The following MMP26 variants were observed in gnomAD, a reference collection of about 807,000 sequenced individuals.
MMP26 encodes the protein matrix metalloproteinase-26.
In MMP26, 33 loss-of-function variants were observed where a neutral mutation model predicts 31.0. The observed-to-expected ratio is 1.06, with a 90% CI of 0.81 to 1.42. The LOEUF is 1.42. MMP26 is among the 40% of genes most tolerant of loss of function. The pLI is 0.00. For synonymous variants in MMP26, 122 were observed against 114.9 expected (o/e 1.06, Z -0.40); for missense variants, 347 against 316.1 (o/e 1.10, Z -0.74).
At chr11:4,914,504 A>G in intron 2 of MMP26, 1 of 507,724 alleles carries the variant, frequency 2.0e-6, no homozygotes, top group Non-Finnish European at 3.5e-6. Context: ...TGCTGTGGCT[A>G]TTTTTAGAAA....
At chr11:4,867,887 A>G (rs1235555004) in intron 2 of MMP26, among the ~76,000 whole-genome samples, 1 of 152,176 alleles carries the variant, frequency 6.6e-6, no homozygotes, top group East Asian at 1.9e-4. Flanking sequence ...AAATCCCATT[A>G]CTGGGTATAT....
At chr11:4,786,486 G>A (rs371146812) in intron 2 of MMP26, among the ~76,000 whole-genome samples, 90 of 125,792 alleles carry the variant, frequency 7.2e-4, no homozygotes, top group Middle Eastern at 9.6e-3. Flanking sequence ...AGTAAGATCT[G>A]CTGATCCTTT....
chr11:4,963,141 C>T (rs527564811), intron 2 of MMP26, among the ~76,000 whole-genome samples: 10 of 152,142 alleles, frequency 6.6e-5, no homozygotes, highest in Admixed American at 3.9e-4. Flanking sequence ...ACAACTGCTA[C>T]GAAGAGAATA....
intron 2 of MMP26, among the ~76,000 whole-genome samples, chr11:4,910,824 A>G (rs944378510): frequency 2.1e-5 from 3 of 143,230 alleles, no homozygotes; most frequent in Middle Eastern, 4.2e-3. Flanking sequence ...ATGAGTGACC[A>G]TCATGGAATA....
chr11:4,908,133 T>C (rs1221752010), intron 2 of MMP26: 1 of 1,614,196 alleles, frequency 6.2e-7, no homozygotes, highest in Non-Finnish European at 8.5e-7. Flanking sequence ...GTGCCCATCA[T>C]CACCCTGGCT....
chr11:4,881,685 A>G, intron 2 of MMP26: 1 of 546,590 alleles, frequency 1.8e-6, no homozygotes. Flanking sequence ...CTTTGGAGTT[A>G]GTAAATTTGG....
intron 2 of MMP26, among the ~76,000 whole-genome samples, chr11:4,807,630 T>C (rs376608563): frequency 1.3e-5 from 1 of 78,658 alleles, no homozygotes; most frequent in African/African-American, 4.7e-5. Context: ...GGGTGGGGGG[T>C]TGGGGGAGGG....
At chr11:4,849,065 C>T (rs1849933268) in intron 2 of MMP26, 2 of 1,614,008 alleles carry the variant, frequency 1.2e-6, no homozygotes, top group Admixed American at 1.7e-5. Flanking sequence ...TGCCATTTCC[C>T]AGTGCAGAGA....
intron 2 of MMP26, among the ~76,000 whole-genome samples, chr11:4,926,763 A>AG (rs1438706688): frequency 6.6e-6 from 1 of 152,142 alleles, no homozygotes; most frequent in African/African-American, 2.4e-5. Context: ...ATAAGGTATG[A>AG]GGAAAAAAAA....
chr11:4,808,245 C>G (rs1463257086), intron 2 of MMP26, among the ~76,000 whole-genome samples: 1 of 152,100 alleles, frequency 6.6e-6, no homozygotes, highest in African/African-American at 2.4e-5. Flanking sequence ...GCAGCCAGTG[C>G]TCTTGGTGGT....
At chr11:4,776,732 A>G (rs897042220) in intron 2 of MMP26, among the ~76,000 whole-genome samples, 13 of 151,960 alleles carry the variant, frequency 8.6e-5, no homozygotes, top group South Asian at 4.2e-4. Flanking sequence ...CCCCTTTGCT[A>G]TCTTTCTCTC....
chr11:4,852,072 A>G (rs1271926765), intron 2 of MMP26, among the ~76,000 whole-genome samples: 1 of 152,150 alleles, frequency 6.6e-6, no homozygotes, highest in Non-Finnish European at 1.5e-5. Flanking sequence ...TCAAAGAAGT[A>G]AATAGTTGAA....
At chr11:4,876,480 T>C (rs1850380510) in intron 2 of MMP26, 1 of 152,192 alleles carries the variant, frequency 6.6e-6, no homozygotes, top group African/African-American at 2.4e-5. Flanking sequence ...TCAATACTTA[T>C]TGTTACTGAT....
intron 1 of MMP26, among the ~76,000 whole-genome samples, chr11:4,721,731 C>T (rs560866389): frequency 6.6e-6 from 1 of 152,260 alleles, no homozygotes; most frequent in East Asian, 1.9e-4. Context: ...TGCTTTTCTT[C>T]ATGCTTCAGG....
intron 2 of MMP26, among the ~76,000 whole-genome samples, chr11:4,902,047 T>G (rs188104893): frequency 6.6e-6 from 1 of 152,340 alleles, no homozygotes; most frequent in East Asian, 1.9e-4. Flanking sequence ...TCTACTTGGT[T>G]GAGATTGGAG....
At chr11:4,905,212 A>G (rs1313400784) in intron 2 of MMP26, among the ~76,000 whole-genome samples, 1 of 152,118 alleles carries the variant, frequency 6.6e-6, no homozygotes, top group Non-Finnish European at 1.5e-5. Flanking sequence ...ACATCTCACA[A>G]TCTGCTACCG....
intron 2 of MMP26, among the ~76,000 whole-genome samples, chr11:4,892,832 A>G (rs1008826379): frequency 2.6e-5 from 4 of 152,152 alleles, no homozygotes; most frequent in Non-Finnish European, 4.4e-5. Context: ...CTAGTTACTC[A>G]ACTGTTCAGA....
chr11:4,722,678 T>C, intron 1 of MMP26: 1 of 712,138 alleles, frequency 1.4e-6, no homozygotes, highest in Non-Finnish European at 2.5e-6. Context: ...GTGGCCTCCC[T>C]CCTGTGCTTT....
intron 2 of MMP26, chr11:4,924,123 A>G: frequency 2.5e-6 from 4 of 1,614,150 alleles, no homozygotes; most frequent in Non-Finnish European, 3.4e-6. Flanking sequence ...CAAAGGCCTA[A>G]GTCTGTGACA....
Sources: allele counts gnomAD v4.1 joint callset (sites outside exome capture counted in the v4.1 genomes callset), GRCh38; gene constraint gnomAD v4.1.1; transcripts MANE v1.5; gene names NCBI Gene and HGNC (gene_info 2026-07-23, HGNC 2026-07-21).